Variants in TM9SF4 observed in about 807,000 individuals in gnomAD.
The protein encoded by TM9SF4 is dinucleotide oxidase disulfide thiol exchanger 3 superfamily member 4.
In TM9SF4, 26 loss-of-function variants were observed where a neutral mutation model predicts 90.4. The ratio of observed to expected loss-of-function variants is 0.29; its 90% CI spans 0.21 to 0.40. The LOEUF is 0.40. Among genes scored for constraint, TM9SF4 ranks in the 10% least tolerant of loss-of-function variants. The probability of loss-of-function intolerance (pLI) is 1.00; values close to 1 mark genes in which losing one functional copy is unlikely to be tolerated. For synonymous variants in TM9SF4, 293 were observed against 315.4 expected, an observed-to-expected ratio of 0.93 and a Z score of 0.75; for missense variants, 549 against 834.8, an observed-to-expected ratio of 0.66 and a Z score of 4.22.
chr20:32,155,360 G>A (rs570423164), intron 13 of TM9SF4, among the ~76,000 whole-genome samples, 174 bp downstream of exon 13: 2 of 152,214 alleles, frequency 1.3e-5, no homozygotes, highest in Non-Finnish European at 2.9e-5. Flanking sequence ...CCCTGCCCTT[G>A]GTGTGTCATG....
In TM9SF4 at chr20:32,166,256, C is replaced by T; in HGVS notation, c.*812C>T. ...GTTTTTGTGCCAAGAAACCCTGGAC[C>T]TGGGGCCAAGTATTTCCCAAGCCAA... On this transcript the variant is annotated 3_prime_UTR_variant, in exon 18 of 18. Transcript: ENST00000398022. 6.5e-6 allele frequency: 1 copy of T among 152,996 alleles called. No individual in the cohort carries two copies. The highest frequency in any genetic ancestry group is 1.5e-5 in the Non-Finnish European group (1 of 68,208). The allele number at this position is 152,996 out of a possible 1,614,324, so 9.5% of individuals were successfully genotyped here. A position where few individuals can be genotyped will look rare whatever the true frequency, so the allele number is the denominator to read the frequency against.
At chr20:32,148,993 C>T (rs1045733214) in intron 9 of TM9SF4, among the ~76,000 whole-genome samples, 1 of 152,190 alleles carries the variant, frequency 6.6e-6, no homozygotes, top group Non-Finnish European at 1.5e-5. Context: ...CTTTGAAATA[C>T]AATGTCAAGC....
intron 17 of TM9SF4, among the ~76,000 whole-genome samples, chr20:32,163,268 A>AAAATATATATATATATAT (rs1555886757): frequency 2.7e-5 from 2 of 74,494 alleles, no homozygotes; most frequent in Admixed American, 1.9e-4. Context: ...AAAAAAAAAA[A>AAAATATATATATATATAT]ATATATATAT....
At position 32,137,556 on chromosome 20, in the gene TM9SF4, AG is replaced by A. The variant is rs1217192321; in HGVS notation, c.229+1386del. 2.0e-5 allele frequency among the ~76,000 whole-genome samples: 3 copies of A among 152,170 alleles called. No homozygotes were observed. In the South Asian group the frequency reaches 6.2e-4, roughly 32 times the overall value. ...TTGTAGTGCCTGCCTTCATGGCCTA[AG>A]GGCTCTTTGACTGGAGGGATTGTGT... On this transcript the variant is annotated intron_variant, in intron 3 of 17. Coordinates refer to ENST00000398022, the MANE Select transcript of TM9SF4 (RefSeq NM_014742.4).
intron 12 of TM9SF4, among the ~76,000 whole-genome samples, chr20:32,153,038 G>T (rs1237510564): frequency 6.6e-6 from 1 of 152,198 alleles, no homozygotes; most frequent in Non-Finnish European, 1.5e-5. Flanking sequence ...TTTGAGCCGG[G>T]CCTTGAGGAG....
intron 1 of TM9SF4, among the ~76,000 whole-genome samples, chr20:32,132,297 G>A (rs1390502856): frequency 1.3e-5 from 2 of 152,100 alleles, no homozygotes; most frequent in Admixed American, 6.5e-5. Context: ...CCAGCTACTC[G>A]GTAGGCTGAG....
chr20:32,121,871 G>A (rs1253081470), intron 1 of TM9SF4, among the ~76,000 whole-genome samples: 1 of 140,842 alleles, frequency 7.1e-6, no homozygotes. Context: ...GCGGCTGGCC[G>A]GGCGGGGGGC....
intron 16 of TM9SF4, 139 bp downstream of exon 16, chr20:32,160,250 G>C: frequency 1.6e-6 from 2 of 1,254,946 alleles, no homozygotes; most frequent in Non-Finnish European, 2.2e-6. Context: ...GGGCCAGTAC[G>C]TTGCTGTGCC....
chr20:32,128,790 CTGTGTGTGTGTGTGTGTG>C (rs55977888), intron 1 of TM9SF4, among the ~76,000 whole-genome samples: 2,272 of 145,364 alleles, frequency 0.016, 63 homozygotes, highest in African/African-American at 0.056. Context: ...GTATTCCATT[CTGTGTGTGTGTGTGTGTG>C]TGTGTGTGTG....
At chr20:32,147,807 C>T (rs562904870) in intron 9 of TM9SF4, among the ~76,000 whole-genome samples, 3 of 148,238 alleles carry the variant, frequency 2.0e-5, no homozygotes, top group South Asian at 2.1e-4. Flanking sequence ...GAGCCAAGAA[C>T]GTGCCACTGC....
chr20:32,162,168 T>A (rs890718354), intron 17 of TM9SF4, among the ~76,000 whole-genome samples: 1 of 152,344 alleles, frequency 6.6e-6, no homozygotes, highest in Admixed American at 6.5e-5. Flanking sequence ...CAAGACTTAC[T>A]CTGACCTGCT....
At chr20:32,160,832 C>T (rs1193729174) in intron 16 of TM9SF4, among the ~76,000 whole-genome samples, 4 of 151,178 alleles carry the variant, frequency 2.6e-5, no homozygotes, top group African/African-American at 9.7e-5. Context: ...TGCCTGTAGT[C>T]CCAGCTACTT....
At position 32,136,056 on chromosome 20, in the gene TM9SF4, C is replaced by G. The variant is rs1569073421; in HGVS notation, c.130-18C>G. 1.9e-6 allele frequency: 3 copies of G among 1,612,300 alleles called. No homozygotes were observed. The highest frequency in any genetic ancestry group is 3.3e-4 in the Middle Eastern group (2 of 6,056). ...GGAGGATTATTGGTCATCTTGGTTT[C>G]TGCTGGATTCCCATCAGGCTGTGAA... On this transcript the variant is annotated intron_variant, in intron 2 of 17. Transcript: ENST00000398022.
At chr20:32,133,438 C>T (rs1350699865) in intron 2 of TM9SF4, among the ~76,000 whole-genome samples, 1 of 152,182 alleles carries the variant, frequency 6.6e-6, no homozygotes, top group African/African-American at 2.4e-5. Context: ...CTTTGTCTTA[C>T]TCCACCTGCC....
chr20:32,127,928 T>G (rs993530128), intron 1 of TM9SF4, among the ~76,000 whole-genome samples: 2 of 152,258 alleles, frequency 1.3e-5, no homozygotes, highest in Admixed American at 6.5e-5. Context: ...GGTGTCCAGC[T>G]TCTTAGGAGA....
At chr20:32,149,511 A>C (rs1224959096) in intron 9 of TM9SF4, 123 bp from the exon 10 acceptor site, 26 of 1,276,974 alleles carry the variant, frequency 2.0e-5, no homozygotes, top group Admixed American at 4.4e-5. Context: ...CCTATCACTT[A>C]CACTCCTGTG....
chr20:32,136,399 G>A (rs1217793195), intron 3 of TM9SF4, among the ~76,000 whole-genome samples: 2 of 152,150 alleles, frequency 1.3e-5, no homozygotes, highest in East Asian at 1.9e-4. Context: ...TGTGGGCAAA[G>A]GCATCCTCTG....
intron 1 of TM9SF4, among the ~76,000 whole-genome samples, chr20:32,122,490 G>A (rs1219734306): frequency 2.6e-5 from 4 of 151,522 alleles, no homozygotes; most frequent in African/African-American, 4.9e-5. Context: ...CTTCTCAGAC[G>A]GGGCGGCCGG....
chr20:32,153,564 C>T (rs2046873598), intron 12 of TM9SF4, among the ~76,000 whole-genome samples: 1 of 152,046 alleles, frequency 6.6e-6, no homozygotes. Context: ...GCCTGGGCAA[C>T]ACAGTGAGAC....
Sources: gnomAD v4.1 joint callset for allele counts (sites outside exome capture counted in the v4.1 genomes callset) on GRCh38, gnomAD v4.1.1 for gene constraint, MANE v1.5 for transcripts, NCBI Gene and HGNC (gene_info 2026-07-23, HGNC 2026-07-21) for gene names.